UNC5D: variants seen among roughly 807,000 people sequenced by gnomAD.
UNC5D encodes the protein netrin receptor UNC5D.
In UNC5D, 39 loss-of-function variants were observed where a neutral mutation model predicts 105.4. That is an observed-to-expected ratio of 0.37 (90% CI 0.29 to 0.48). The LOEUF (loss-of-function observed/expected upper bound fraction) is 0.48. Ranked by LOEUF, UNC5D falls within the 20% of genes least tolerant of loss-of-function variation. The pLI is 0.98. For synonymous variants in UNC5D, 452 were observed against 450.4 expected, an observed-to-expected ratio of 1.00 and a Z score of -0.04; for missense variants, 991 against 1,202.4, an observed-to-expected ratio of 0.82 and a Z score of 2.60.
chr8:35,775,646 T>C (rs901359644), intron 16 of UNC5D, among the ~76,000 whole-genome samples: 9 of 152,202 alleles, frequency 5.9e-5, no homozygotes, highest in Non-Finnish European at 1.2e-4. Context: ...TTCTTACTGT[T>C]TGGCTTGCTC....
In UNC5D at chr8:35,679,957, C is replaced by T. The variant is rs79237504; in HGVS notation, c.571-3590C>T. On this transcript the variant is annotated intron_variant, in intron 4 of 16. Transcript: ENST00000404895. ...CCAGAGGTGGCACAGGACATGGCAT[C>T]ACATGGCAATGAGGCTGAGCAGGCA... is the stretch of plus-strand genomic sequence containing the variant. Among the ~76,000 whole-genome samples the T allele has an allele frequency of 5.7e-3, 868 of 152,266 alleles. 3 individuals are homozygous for T. The highest frequency in any genetic ancestry group is 0.02 in the African/African-American group (820 of 41,554).
At chr8:35,533,104 T>A (rs2130563367) in intron 1 of UNC5D, among the ~76,000 whole-genome samples, 1 of 151,688 alleles carries the variant, frequency 6.6e-6, no homozygotes, top group South Asian at 2.1e-4. Flanking sequence ...CTGCGTTCCT[T>A]TGGAGGAGGA....
In UNC5D at chr8:35,333,449, C is replaced by T. The variant is rs1243384882; in HGVS notation, c.103+97562C>T. The stretch of plus-strand genomic sequence containing the variant: ...TTTAGTCTTTTCCTTAAAGTGACCC[C>T]TTCAAATTGTACAATCCTTAGGTTT... On this transcript the variant is annotated intron_variant, in intron 1 of 16. Coordinates refer to ENST00000404895, the MANE Select transcript of UNC5D (RefSeq NM_080872.4). 2.6e-5 allele frequency among the ~76,000 whole-genome samples: 4 copies of T among 152,034 alleles called. No homozygotes were observed. The East Asian group carries it at 5.8e-4, about 22-fold the overall frequency.
chr8:35,275,198 G>A (rs1805694218), intron 1 of UNC5D, among the ~76,000 whole-genome samples: 1 of 151,510 alleles, frequency 6.6e-6, no homozygotes, highest in African/African-American at 2.4e-5. Flanking sequence ...CCTTTCACTT[G>A]CTCCCTCCTT....
chr8:35,762,613 G>T (rs927567033), intron 14 of UNC5D, among the ~76,000 whole-genome samples: 2 of 152,056 alleles, frequency 1.3e-5, no homozygotes, highest in Non-Finnish European at 2.9e-5. Context: ...CCCTTCTCTG[G>T]GAGGTAAATA....
At chr8:35,527,906 C>T (rs539311575) in intron 1 of UNC5D, among the ~76,000 whole-genome samples, 7 of 152,104 alleles carry the variant, frequency 4.6e-5, no homozygotes, top group African/African-American at 1.7e-4. Flanking sequence ...TTTATAAGGG[C>T]CCCACCTCCT....
chr8:35,695,132 C>A (rs1420225765), intron 7 of UNC5D, among the ~76,000 whole-genome samples: 1 of 152,132 alleles, frequency 6.6e-6, no homozygotes, highest in Non-Finnish European at 1.5e-5. Context: ...TGTCCGCTGT[C>A]AAAAAGAGTT....
intron 1 of UNC5D, among the ~76,000 whole-genome samples, chr8:35,440,573 A>G (rs1159639295): frequency 1.3e-5 from 2 of 152,018 alleles, no homozygotes; most frequent in Non-Finnish European, 2.9e-5. Flanking sequence ...ACCATTTAGC[A>G]AGTTAAGTAC....
intron 1 of UNC5D, among the ~76,000 whole-genome samples, chr8:35,331,241 C>T (rs1585602049): frequency 6.6e-6 from 1 of 152,130 alleles, no homozygotes; most frequent in African/African-American, 2.4e-5. Flanking sequence ...ATTGGGCTTG[C>T]TTGAAGTCCA....
At chr8:35,557,544 C>T (rs1000193033) in intron 2 of UNC5D, among the ~76,000 whole-genome samples, 1 of 152,166 alleles carries the variant, frequency 6.6e-6, no homozygotes, top group Non-Finnish European at 1.5e-5. Flanking sequence ...TTACTACTTT[C>T]AGTACTATGT....
rs541200457 is a variant in UNC5D, at chr8:35,700,846, A to C, written c.1085-5083A>C. On this transcript the variant is annotated intron_variant, in intron 7 of 16. Transcript: ENST00000404895. ...ATGTGGAGTCATGTTAGATTCTTTC[A>C]TGCTAATATTAGAGAATTATTGCAA... Among the ~76,000 whole-genome samples the C allele has an allele frequency of 2.0e-5, 3 of 152,334 alleles. No individual in the cohort carries two copies. In the South Asian group the frequency reaches 6.2e-4, roughly 32 times the overall value.
At chr8:35,465,829 G>A (rs1313168221) in intron 1 of UNC5D, among the ~76,000 whole-genome samples, 42 of 152,242 alleles carry the variant, frequency 2.8e-4, no homozygotes, top group Non-Finnish European at 5.9e-5. Context: ...AAAGAGGAAA[G>A]CAGAGGAGAG....
intron 16 of UNC5D, among the ~76,000 whole-genome samples, chr8:35,787,092 G>A (rs1311478956): frequency 3.3e-5 from 5 of 152,090 alleles, no homozygotes; most frequent in East Asian, 1.9e-4. Context: ...GCAGCAACAC[G>A]GACCACATGT....
chr8:35,297,670 G>A (rs2128867815), intron 1 of UNC5D, among the ~76,000 whole-genome samples: 1 of 152,230 alleles, frequency 6.6e-6, no homozygotes, highest in East Asian at 1.9e-4. Context: ...ACTTGTTGGT[G>A]AGGGTGTGTA....
chr8:35,632,622 A>C (rs751078724), intron 4 of UNC5D, among the ~76,000 whole-genome samples: 1 of 152,232 alleles, frequency 6.6e-6, no homozygotes, highest in Non-Finnish European at 1.5e-5. Context: ...TCTGAAGAGC[A>C]CTTCCCTAAA....
chr8:35,235,514 C>A lies in UNC5D; in HGVS notation c.-271C>A, dbSNP rs915794327. ...CCGGCAGCGGCGCGAGGGCTGGGAA[C>A]TGCGCGGCGGGGACTGCGGGCGACT... is the stretch of plus-strand genomic sequence containing the variant. On this transcript the variant is annotated 5_prime_UTR_variant, in exon 1 of 17. The change creates a new upstream start codon in the 5' untranslated region. Transcript: ENST00000404895. 4 of 324,154 alleles carry A rather than the reference C, an allele frequency of 1.2e-5. No homozygotes were observed. Among genetic ancestry groups the A allele is most frequent in the African/African-American group, 4.3e-5 (2 of 46,512 alleles). The allele number at this position is 324,154 out of a possible 1,614,324, so 20.1% of individuals were successfully genotyped here.
At chr8:35,461,318 T>C (rs1808878208) in intron 1 of UNC5D, among the ~76,000 whole-genome samples, 1 of 152,178 alleles carries the variant, frequency 6.6e-6, no homozygotes, top group African/African-American at 2.4e-5. Context: ...CTATCTGGCT[T>C]TATATCTTAC....
At chr8:35,721,483 A>G (rs963131824) in intron 8 of UNC5D, 12 of 702,884 alleles carry the variant, frequency 1.7e-5, no homozygotes, top group Non-Finnish European at 2.9e-5. Context: ...TGGGAGAAAC[A>G]GCATGTGCCG....
intron 1 of UNC5D, among the ~76,000 whole-genome samples, chr8:35,299,963 A>C (rs1178491988): frequency 1.3e-5 from 2 of 152,198 alleles, no homozygotes; most frequent in East Asian, 3.8e-4. Context: ...AATAAAATAA[A>C]AAGGATATAT....
Sources: gnomAD v4.1 joint callset for allele counts (sites outside exome capture counted in the v4.1 genomes callset) on GRCh38, gnomAD v4.1.1 for gene constraint, MANE v1.5 for transcripts, NCBI Gene and HGNC (gene_info 2026-07-23, HGNC 2026-07-21) for gene names.